KIZ: variants seen among roughly 807,000 people sequenced by gnomAD.
The protein encoded by KIZ is kizuna centrosomal protein, also known as centrosomal protein kizuna.
In KIZ, 68 loss-of-function variants were observed where a neutral mutation model predicts 79.6. The observed-to-expected ratio is 0.85, with a 90% confidence interval of 0.70 to 1.05. The LOEUF (loss-of-function observed/expected upper bound fraction) is 1.05, where lower values mean the gene tolerates loss of function less well. Among genes scored for constraint, KIZ ranks in the 50% least tolerant of loss-of-function variants. The probability of loss-of-function intolerance (pLI) is 0.00; values close to 1 mark genes in which losing one functional copy is unlikely to be tolerated. For synonymous variants in KIZ, 280 were observed against 281.8 expected (o/e 0.99, Z 0.06); for missense variants, 797 against 800.4 (o/e 1.00, Z 0.05).
rs1244277438 is a variant in KIZ, at chr20:21,198,779, A to T, written c.1353-6712A>T. 2.6e-5 allele frequency: 4 copies of T among 152,720 alleles called. 1 individual carries two copies. In the East Asian group the frequency reaches 7.7e-4, roughly 30 times the overall value. 9.5% of individuals were successfully genotyped at this position (152,720 alleles called of 1,614,324 possible). On this transcript the variant is annotated intron_variant, in intron 6 of 12. Transcript: ENST00000619189. ...GAAGCTATGGGAAATGCTGGAAATGACCTTCCTGGTCAGTAGCTTTTCAAC... is the reference window on the plus strand; with the variant it reads ...GAAGCTATGGGAAATGCTGGAAATGTCCTTCCTGGTCAGTAGCTTTTCAAC...
chr20:21,213,149 G>A (rs752294679), intron 7 of KIZ, among the ~76,000 whole-genome samples: 1 of 152,206 alleles, frequency 6.6e-6, no homozygotes, highest in African/African-American at 2.4e-5. Flanking sequence ...AGGGAGGGAA[G>A]AAGGCAAGAA....
At chr20:21,155,466 A>G (rs1455126681) in intron 4 of KIZ, among the ~76,000 whole-genome samples, 1 of 152,226 alleles carries the variant, frequency 6.6e-6, no homozygotes, top group East Asian at 1.9e-4. Context: ...TAAAATGTGC[A>G]GAATAAGCGG....
chr20:21,209,510 G>A (rs2035975455), intron 7 of KIZ, among the ~76,000 whole-genome samples: 1 of 152,230 alleles, frequency 6.6e-6, no homozygotes, highest in South Asian at 2.1e-4. Flanking sequence ...TTCCCCAAAT[G>A]CTGGACTGTT....
intron 11 of KIZ, among the ~76,000 whole-genome samples, 184 bp from the exon 12 acceptor site, chr20:21,244,061 G>A (rs1267091211): frequency 1.3e-5 from 2 of 152,116 alleles, no homozygotes; most frequent in African/African-American, 2.4e-5. Context: ...GTTGAGTAGC[G>A]ACCCTCCCGA....
At position 21,126,107 on chromosome 20, in the gene KIZ, G is replaced by A; in HGVS notation, c.-9G>A. 2 of 1,509,310 alleles carry A rather than the reference G, an allele frequency of 1.3e-6. No homozygotes were observed. The highest frequency in any genetic ancestry group is 1.8e-6 in the Non-Finnish European group (2 of 1,129,610). 93.5% of individuals were successfully genotyped at this position (1,509,310 alleles called of 1,614,324 possible). A position where few individuals can be genotyped will look rare whatever the true frequency, so the allele number is the denominator to read the frequency against. ...AGAGGCTGTGCTGAGCTGGCGCAGC[G>A]GCAGCAGCATGAGCCGGACCCTCGC... On this transcript the variant is annotated 5_prime_UTR_variant, in exon 1 of 13. Coordinates refer to ENST00000619189, the MANE Select transcript of KIZ (RefSeq NM_018474.6).
intron 6 of KIZ, among the ~76,000 whole-genome samples, chr20:21,178,005 G>A (rs899425716): frequency 6.6e-6 from 1 of 152,012 alleles, no homozygotes; most frequent in Non-Finnish European, 1.5e-5. Context: ...TTTGAAATCA[G>A]GACGTGTGAT....
At chr20:21,202,559 A>G (rs1292923332) in intron 6 of KIZ, among the ~76,000 whole-genome samples, 2 of 152,238 alleles carry the variant, frequency 1.3e-5, no homozygotes, top group African/African-American at 4.8e-5. Context: ...TCCTGGAAAA[A>G]AATAGGGTTA....
At chr20:21,214,755 A>G (rs2036219175) in intron 8 of KIZ, 55 bp downstream of exon 8, 9 of 1,172,422 alleles carry the variant, frequency 7.7e-6, no homozygotes, top group Middle Eastern at 2.0e-4. Flanking sequence ...GGTCATCATC[A>G]TCTTTCTCAA....
upstream of KIZ, chr20:21,125,982 C>G (rs2031417112): frequency 7.8e-7 from 1 of 1,277,634 alleles, no homozygotes; most frequent in Non-Finnish European, 1.0e-6. Context: ...CCCGCCCCCA[C>G]GGCGTCTTGC....
At chr20:21,223,819 G>C (rs375940856) in intron 9 of KIZ, among the ~76,000 whole-genome samples, 36 of 151,592 alleles carry the variant, frequency 2.4e-4, no homozygotes, top group African/African-American at 7.7e-4. Flanking sequence ...ACAGGCGCCC[G>C]CCACCATGCC....
At chr20:21,241,428 C>T (rs1239032944) in intron 11 of KIZ, among the ~76,000 whole-genome samples, 3 of 152,224 alleles carry the variant, frequency 2.0e-5, no homozygotes, top group Non-Finnish European at 4.4e-5. Flanking sequence ...ACGCACCACG[C>T]ACATTTAGCT....
At chr20:21,211,691 A>G (rs1470859290) in intron 7 of KIZ, among the ~76,000 whole-genome samples, 1 of 152,226 alleles carries the variant, frequency 6.6e-6, no homozygotes, top group Admixed American at 6.5e-5. Context: ...TCAGTCTCAG[A>G]CTGCAAACTC....
chr20:21,235,508 G>T (rs1274401364), intron 11 of KIZ, among the ~76,000 whole-genome samples: 1 of 152,170 alleles, frequency 6.6e-6, no homozygotes, highest in South Asian at 2.1e-4. Flanking sequence ...AAGACCACTT[G>T]TTCCCTTTTG....
At chr20:21,160,233 GCCTGCTTGACAGGC>G (rs2033590970) in intron 4 of KIZ, among the ~76,000 whole-genome samples, 1 of 152,104 alleles carries the variant, frequency 6.6e-6, no homozygotes, top group African/African-American at 2.4e-5. Context: ...GCTGGATGCA[GCCTGCTTGACAGGC>G]CCTTCTGACC....
At chr20:21,231,866 T>G (rs747632797) in intron 10 of KIZ, among the ~76,000 whole-genome samples, 2 of 152,216 alleles carry the variant, frequency 1.3e-5, no homozygotes, top group Non-Finnish European at 2.9e-5. Flanking sequence ...GAAAGCCACT[T>G]AAATAAACCT....
chr20:21,159,110 C>T (rs548353687), intron 4 of KIZ, among the ~76,000 whole-genome samples: 17 of 151,674 alleles, frequency 1.1e-4, no homozygotes, highest in South Asian at 4.1e-4. Context: ...TGGGTTCAAG[C>T]GATTCTCCTG....
At chr20:21,212,480 C>T (rs34317474) in intron 7 of KIZ, among the ~76,000 whole-genome samples, 5,171 of 152,272 alleles carry the variant, frequency 0.034, 203 homozygotes, top group South Asian at 0.19. Flanking sequence ...TGATTTTACT[C>T]ATTTGTAAGC....
intron 6 of KIZ, chr20:21,198,601 C>T (rs771380290): frequency 1.3e-5 from 2 of 152,476 alleles, no homozygotes; most frequent in Non-Finnish European, 2.9e-5. Context: ...AGGATATTTA[C>T]AGGATTCTGC....
chr20:21,219,263 A>G (rs2036421394), intron 9 of KIZ, among the ~76,000 whole-genome samples: 2 of 152,234 alleles, frequency 1.3e-5, no homozygotes, highest in African/African-American at 2.4e-5. Context: ...AGCAAAACCA[A>G]GTTCAGTATC....
Sources: gnomAD v4.1 joint callset for allele counts (sites outside exome capture counted in the v4.1 genomes callset) on GRCh38, gnomAD v4.1.1 for gene constraint, MANE v1.5 for transcripts, NCBI Gene and HGNC (gene_info 2026-07-23, HGNC 2026-07-21) for gene names.